TESC: variants seen among roughly 807,000 people sequenced by gnomAD.
The protein encoded by TESC is calcineurin B homologous protein 3.
In TESC, 19 loss-of-function variants were observed where a neutral mutation model predicts 31.0. That is an observed-to-expected ratio of 0.61 (90% CI 0.43 to 0.90). The LOEUF (loss-of-function observed/expected upper bound fraction) is 0.90. TESC is among the 40% of genes least tolerant of loss of function. The probability of loss-of-function intolerance (pLI) is 0.00; values close to 1 mark genes in which losing one functional copy is unlikely to be tolerated. For missense variants in TESC, 248 were observed against 303.8 expected (o/e 0.82, Z 1.36); for synonymous variants, 109 against 114.8 (o/e 0.95, Z 0.32).
chr12:117,057,104 G>T (rs1023162026), intron 2 of TESC, among the ~76,000 whole-genome samples: 1 of 152,096 alleles, frequency 6.6e-6, no homozygotes, highest in Non-Finnish European at 1.5e-5. Flanking sequence ...GGAGGCTCAA[G>T]ATACTTTTCT....
intron 1 of TESC, among the ~76,000 whole-genome samples, chr12:117,089,489 G>A (rs1955275760): frequency 6.6e-6 from 1 of 152,086 alleles, no homozygotes; most frequent in South Asian, 2.1e-4. Context: ...CTCCAAGAAG[G>A]CAAAACAGAA....
intron 1 of TESC, among the ~76,000 whole-genome samples, chr12:117,090,428 T>C (rs370790584): frequency 2.0e-5 from 3 of 152,248 alleles, no homozygotes; most frequent in African/African-American, 7.2e-5. Context: ...AGGAGATACA[T>C]AGCCAGCTCC....
chr12:117,061,209 C>A (rs1436980278), intron 2 of TESC, among the ~76,000 whole-genome samples: 2 of 152,200 alleles, frequency 1.3e-5, no homozygotes, highest in African/African-American at 4.8e-5. Context: ...AGGATGGGGA[C>A]CCTGTGATGT....
chr12:117,077,716 T>C (rs1565972443), intron 1 of TESC, among the ~76,000 whole-genome samples: 1 of 152,182 alleles, frequency 6.6e-6, no homozygotes, highest in Non-Finnish European at 1.5e-5. Context: ...GAGGTCAAGA[T>C]AGTGGCTGCT....
At chr12:117,047,950 C>T (rs1214080085) in intron 4 of TESC, among the ~76,000 whole-genome samples, 1 of 151,926 alleles carries the variant, frequency 6.6e-6, no homozygotes, top group African/African-American at 2.4e-5. Context: ...TCTCTGCTGC[C>T]CAGGCTGAGC....
chr12:117,093,447 G>C (rs114927682), intron 1 of TESC, among the ~76,000 whole-genome samples: 1 of 152,188 alleles, frequency 6.6e-6, no homozygotes, highest in Non-Finnish European at 1.5e-5. Flanking sequence ...AGACAGTCTC[G>C]CACTGTCACC....
intron 2 of TESC, among the ~76,000 whole-genome samples, chr12:117,061,908 T>C (rs1022195407): frequency 6.6e-6 from 1 of 152,192 alleles, no homozygotes; most frequent in Non-Finnish European, 1.5e-5. Context: ...ATTTCTCATA[T>C]GTAAAATGGG....
In TESC at chr12:117,046,806, C is replaced by T. The variant is rs1954572055; in HGVS notation, c.382G>A (p.Gly128Ser). 2 of 1,570,826 alleles carry T rather than the reference C, an allele frequency of 1.3e-6. No individual in the cohort carries two copies. Among genetic ancestry groups the T allele is most frequent in the African/African-American group, 1.3e-5 (1 of 74,142 alleles). ...CGATATTCTTCCAGAGTGATGCGGC[C>T]GTCGCTGTCCGAGTCGTACATGTGG... The part of the protein sequence containing the change: ...LFHMYDSDSD[G>S]RITLEEYRNV... The change falls in exon 5 of 8, where the codon GGC becomes AGC. Residue 128 changes from glycine (G) to serine (S), a missense_variant. By Grantham distance (56) the Gly-to-Ser change is moderately conservative. Transcript: ENST00000335209.
intron 2 of TESC, among the ~76,000 whole-genome samples, chr12:117,071,413 G>A (rs954005792): frequency 1.3e-5 from 2 of 151,550 alleles, no homozygotes; most frequent in African/African-American, 4.8e-5. Context: ...ATGTTGGGAT[G>A]GGGCACCCCC....
chr12:117,058,463 T>C (rs995016623), intron 2 of TESC, among the ~76,000 whole-genome samples: 1 of 151,308 alleles, frequency 6.6e-6, no homozygotes, highest in Admixed American at 6.6e-5. Flanking sequence ...TAATATTGAC[T>C]GCAGTGCTGG....
chr12:117,089,985 G>T (rs1230539634), intron 1 of TESC, among the ~76,000 whole-genome samples: 1 of 150,868 alleles, frequency 6.6e-6, no homozygotes, highest in South Asian at 2.1e-4. Flanking sequence ...TTTCTACAAA[G>T]AAATGTCGAT....
At chr12:117,072,484 C>T (rs1348751712) in intron 2 of TESC, among the ~76,000 whole-genome samples, 1 of 152,216 alleles carries the variant, frequency 6.6e-6, no homozygotes, top group African/African-American at 2.4e-5. Flanking sequence ...CCCGAAGCCA[C>T]AAAGCCAATG....
At chr12:117,062,297 C>T (rs1386991743) in intron 2 of TESC, among the ~76,000 whole-genome samples, 1 of 152,120 alleles carries the variant, frequency 6.6e-6, no homozygotes, top group East Asian at 1.9e-4. Context: ...TCTCTGCTCA[C>T]TGCAACCTCC....
intron 2 of TESC, among the ~76,000 whole-genome samples, chr12:117,070,900 G>T (rs932791145): frequency 2.0e-5 from 3 of 152,168 alleles, no homozygotes; most frequent in Non-Finnish European, 4.4e-5. Context: ...GAGCCTGGGA[G>T]GTCAAGGCTG....
At chr12:117,080,523 A>C (rs967834992) in intron 1 of TESC, among the ~76,000 whole-genome samples, 1 of 152,212 alleles carries the variant, frequency 6.6e-6, no homozygotes, top group Non-Finnish European at 1.5e-5. Context: ...GATTGAAAGC[A>C]AAGGATTAGG....
chr12:117,062,147 T>A (rs2135768204), intron 2 of TESC, among the ~76,000 whole-genome samples: 1 of 152,282 alleles, frequency 6.6e-6, no homozygotes, highest in African/African-American at 2.4e-5. Context: ...TGGAAGGAAC[T>A]ATTCTAAGAG....
chr12:117,045,083 G>A (rs924259133), intron 6 of TESC, among the ~76,000 whole-genome samples: 30 of 152,218 alleles, frequency 2.0e-4, no homozygotes, highest in African/African-American at 5.3e-4. Context: ...AGCTCAGGCC[G>A]CATGCACAGC....
chr12:117,049,014 C>A lies in TESC; in HGVS notation c.349+5G>T. ...GTGTGAGCAAGGGGACTCAGTGGCA[C>A]GCACATCTCAGCTTCTCCTTCCGGG... is the stretch of plus-strand genomic sequence containing the variant. On this transcript the variant is annotated splice_donor_5th_base_variant and intron_variant, in intron 4 of 7. Coordinates refer to ENST00000335209, the MANE Select transcript of TESC (RefSeq NM_017899.4). 2 of 1,614,160 alleles carry A rather than the reference C, an allele frequency of 1.2e-6. No homozygotes were observed. The highest frequency in any genetic ancestry group is 1.7e-6 in the Non-Finnish European group (2 of 1,179,998).
intron 2 of TESC, among the ~76,000 whole-genome samples, chr12:117,073,079 G>C (rs1024807070): frequency 2.6e-5 from 4 of 152,210 alleles, no homozygotes; most frequent in Non-Finnish European, 5.9e-5. Flanking sequence ...CTCCCCGCTA[G>C]ATCTCAGTGC....
Sources: gnomAD v4.1 joint callset for allele counts (sites outside exome capture counted in the v4.1 genomes callset) on GRCh38, gnomAD v4.1.1 for gene constraint, MANE v1.5 for transcripts, NCBI Gene and HGNC (gene_info 2026-07-23, HGNC 2026-07-21) for gene names.